The following MARCHF3 variants were observed in gnomAD, a reference collection of about 807,000 sequenced individuals.
MARCHF3 encodes membrane associated ring-CH-type finger 3, also known as E3 ubiquitin-protein ligase MARCHF3.
Under a neutral mutation model 24.2 loss-of-function variants are expected in MARCHF3, and 13 were observed. That is an observed-to-expected ratio of 0.54 (90% CI 0.35 to 0.85). The LOEUF is 0.85. MARCHF3 is among the 40% of genes least tolerant of loss of function. The pLI is 0.01. For missense variants in MARCHF3, 276 were observed against 325.0 expected, an observed-to-expected ratio of 0.85 and a Z score of 1.16; for synonymous variants, 144 against 137.3, an observed-to-expected ratio of 1.05 and a Z score of -0.34.
At chr5:127,024,760 T>C (rs1257648847) in intron 1 of MARCHF3, among the ~76,000 whole-genome samples, 1 of 152,180 alleles carries the variant, frequency 6.6e-6, no homozygotes, top group Admixed American at 6.5e-5. Context: ...ATCTTACCTT[T>C]GGCAGGGGTG....
At chr5:126,998,937 A>G (rs947655055) in intron 1 of MARCHF3, among the ~76,000 whole-genome samples, 40 of 152,336 alleles carry the variant, frequency 2.6e-4, no homozygotes, top group African/African-American at 8.2e-4. Flanking sequence ...ATATTACTAC[A>G]TGCCACAAGA....
intron 1 of MARCHF3, among the ~76,000 whole-genome samples, chr5:126,951,340 T>G (rs1435960135): frequency 6.6e-6 from 1 of 152,200 alleles, no homozygotes; most frequent in Non-Finnish European, 1.5e-5. Flanking sequence ...ACTCACTCCC[T>G]TCATGATCCA....
intron 3 of MARCHF3, chr5:126,898,933 G>A (rs1392339071): frequency 1.0e-6 from 1 of 984,918 alleles, no homozygotes; most frequent in Non-Finnish European, 1.2e-6. Context: ...ATTTTCATAA[G>A]TGGCACATCT....
chr5:126,896,172 G>A (rs922356610), intron 3 of MARCHF3, among the ~76,000 whole-genome samples: 8 of 152,196 alleles, frequency 5.3e-5, no homozygotes, highest in Admixed American at 2.0e-4. Context: ...TTCGGCTGGC[G>A]CACGGTGCGT....
At chr5:127,026,249 T>C (rs1005016785) in intron 1 of MARCHF3, among the ~76,000 whole-genome samples, 1 of 152,234 alleles carries the variant, frequency 6.6e-6, no homozygotes, top group Non-Finnish European at 1.5e-5. Context: ...TAGTATATTT[T>C]AGGCTTTTCC....
chr5:126,966,934 T>TTTTTTTTTTTTTTTTTTTTTC (rs1750836879), intron 1 of MARCHF3, among the ~76,000 whole-genome samples: 1 of 122,866 alleles, frequency 8.1e-6, no homozygotes. Context: ...TTTTTTTTTT[T>TTTTTTTTTTTTTTTTTTTTTC]TTTTTTTTTT....
intron 1 of MARCHF3, among the ~76,000 whole-genome samples, chr5:126,965,130 A>G (rs1335118471): frequency 6.6e-6 from 1 of 152,132 alleles, no homozygotes; most frequent in Non-Finnish European, 1.5e-5. Flanking sequence ...TGAGCAATAA[A>G]TATGGACCAG....
chr5:126,894,768 G>C (rs1174385263), intron 3 of MARCHF3, among the ~76,000 whole-genome samples: 2 of 151,976 alleles, frequency 1.3e-5, no homozygotes, highest in Non-Finnish European at 2.9e-5. Context: ...TATGTGTGGT[G>C]AATCTGACAA....
At chr5:127,021,753 C>CA (rs902360284) in intron 1 of MARCHF3, among the ~76,000 whole-genome samples, 1 of 151,980 alleles carries the variant, frequency 6.6e-6, no homozygotes, top group East Asian at 1.9e-4. Context: ...ACCCAAAACA[C>CA]AAAAAATAGA....
rs189943733 is a variant in MARCHF3 at position 126,912,989 on chromosome 5, A to G, written c.393+1941T>C. Among the ~76,000 whole-genome samples the G allele has an allele frequency of 7.9e-5, 12 of 152,314 alleles. No homozygotes were observed. The East Asian group carries it at 2.3e-3, about 29-fold the overall frequency. On this transcript the variant is annotated intron_variant, in intron 3 of 4. Transcript: ENST00000308660. ...GAGCACCTCACACATTCTCAAGGTC[A>G]TTTGCCTTGTTTCCTTGTTTAATGA...
chr5:126,942,741 T>C (rs780822091), intron 1 of MARCHF3, among the ~76,000 whole-genome samples: 7 of 152,180 alleles, frequency 4.6e-5, no homozygotes, highest in African/African-American at 2.4e-5. Flanking sequence ...ATCCAAGTGG[T>C]TATTGGCTTT....
At chr5:127,015,613 AC>A (rs1730211416) in intron 1 of MARCHF3, among the ~76,000 whole-genome samples, 1 of 152,178 alleles carries the variant, frequency 6.6e-6, no homozygotes, top group African/African-American at 2.4e-5. Flanking sequence ...ATTTCTGTCA[AC>A]CCCTTCCAAA....
At chr5:126,899,391 T>G in intron 3 of MARCHF3, 1 of 810,000 alleles carries the variant, frequency 1.2e-6, no homozygotes, top group Non-Finnish European at 1.5e-6. Flanking sequence ...ATGGTAGTTT[T>G]AAAGAAATTT....
chr5:127,001,684 C>T (rs1474122812), intron 1 of MARCHF3, among the ~76,000 whole-genome samples: 1 of 152,208 alleles, frequency 6.6e-6, no homozygotes, highest in East Asian at 1.9e-4. Context: ...CAGATCTTCC[C>T]TGAATTACTG....
At chr5:126,896,115 C>T (rs960066293) in intron 3 of MARCHF3, among the ~76,000 whole-genome samples, 1 of 152,216 alleles carries the variant, frequency 6.6e-6, no homozygotes, top group Non-Finnish European at 1.5e-5. Flanking sequence ...AGAAAGGGAA[C>T]TCCCTGACCC....
intron 2 of MARCHF3, among the ~76,000 whole-genome samples, chr5:126,917,299 C>G (rs1436950391): frequency 6.6e-6 from 1 of 152,218 alleles, no homozygotes; most frequent in Non-Finnish European, 1.5e-5. Flanking sequence ...AACAAGAGCA[C>G]AAGAGGAGAC....
chr5:126,965,116 T>C (rs908643622), intron 1 of MARCHF3, among the ~76,000 whole-genome samples: 1 of 152,066 alleles, frequency 6.6e-6, no homozygotes, highest in Non-Finnish European at 1.5e-5. Context: ...AGGCTTCCAT[T>C]TCTTGAGCAA....
intron 1 of MARCHF3, among the ~76,000 whole-genome samples, chr5:126,956,645 CAAAAAAAAAAA>C (rs60640113): frequency 9.7e-5 from 2 of 20,598 alleles, no homozygotes; most frequent in Non-Finnish European, 3.0e-4. Context: ...GCTCTGTCTC[CAAAAAAAAAAA>C]AAAAAAAAAA....
chr5:126,872,948 C>T (rs1039691638), intron 4 of MARCHF3, among the ~76,000 whole-genome samples: 2 of 151,990 alleles, frequency 1.3e-5, no homozygotes, highest in African/African-American at 4.8e-5. Context: ...GGGAAGCCAG[C>T]TGTTCAGGGC....
Sources: allele counts gnomAD v4.1 joint callset (sites outside exome capture counted in the v4.1 genomes callset), GRCh38; gene constraint gnomAD v4.1.1; transcripts MANE v1.5; gene names NCBI Gene and HGNC (gene_info 2026-07-23, HGNC 2026-07-21).